KIRREL3: variants seen among roughly 807,000 people sequenced by gnomAD.
KIRREL3 encodes the protein kin of IRRE-like protein 3.
Under a neutral mutation model 89.7 loss-of-function variants are expected in KIRREL3, and 36 were observed. The ratio of observed to expected loss-of-function variants is 0.40; its 90% confidence interval spans 0.31 to 0.53. The LOEUF (loss-of-function observed/expected upper bound fraction) is 0.53, where lower values mean the gene tolerates loss of function less well. KIRREL3 is among the 20% of genes least tolerant of loss of function. The pLI is 0.49. For missense variants in KIRREL3, 864 were observed against 1,056.6 expected (o/e 0.82, Z 2.53); for synonymous variants, 445 against 441.4 (o/e 1.01, Z -0.10).
rs1440264259 is a variant in KIRREL3, at chr11:126,523,829, C to A, written c.284-2365G>T. Among the ~76,000 whole-genome samples the A allele has an allele frequency of 6.6e-6, 1 of 152,152 alleles. No homozygotes were observed. Among genetic ancestry groups the A allele is most frequent in the Non-Finnish European group, 1.5e-5 (1 of 68,024 alleles). ...TCTCCTGCAGGCATCTTGGCTGGAG[C>A]TTCTGTTTCTGTTGTCTTGCAAGCT... On this transcript the variant is annotated intron_variant, in intron 3 of 16. Transcript: ENST00000525144. This position sits in a 1 kb window ranked among gnomAD's most constrained non-coding sequence, Gnocchi z 4.9.
chr11:126,612,627 GC>G lies in KIRREL3; in HGVS notation c.56-49716del, dbSNP rs1308999163. On this transcript the variant is annotated intron_variant, in intron 1 of 16. Coordinates refer to ENST00000525144, the MANE Select transcript of KIRREL3 (RefSeq NM_032531.4). The surrounding 1 kb of genome is among the most constrained non-coding windows in gnomAD (Gnocchi z 4.5). The stretch of plus-strand genomic sequence containing the variant: ...GACCTCATTTTGGAACAATTTCATC[GC>G]CCCCAAAATAAACCCCACACCCATC... Among the ~76,000 whole-genome samples, 1 of 151,676 alleles carries G rather than the reference GC, an allele frequency of 6.6e-6. No individual in the cohort carries two copies. Among genetic ancestry groups the G allele is most frequent in the Non-Finnish European group, 1.5e-5 (1 of 67,948 alleles).
Position 126,609,544 on chromosome 11 carries a change from G to A in KIRREL3, c.56-46632C>T, listed in dbSNP as rs1181066121. On this transcript the variant is annotated intron_variant, in intron 1 of 16. Coordinates refer to ENST00000525144, the MANE Select transcript of KIRREL3 (RefSeq NM_032531.4). This position sits in a 1 kb window ranked among gnomAD's most constrained non-coding sequence, Gnocchi z 5.0. ...GGACCTGCTGGGAGAGAGGGGCAGGGGAATGTGCCTGAGATCAGACAGCCT... is the reference window on the plus strand; with the variant it reads ...GGACCTGCTGGGAGAGAGGGGCAGGAGAATGTGCCTGAGATCAGACAGCCT... Among the ~76,000 whole-genome samples the A allele has an allele frequency of 6.6e-6, 1 of 152,094 alleles. No homozygotes were observed. Among genetic ancestry groups the A allele is most frequent in the Non-Finnish European group, 1.5e-5 (1 of 68,012 alleles).
At chr11:126,973,100 GAAAAA>G (rs11449960) in intron 1 of KIRREL3, among the ~76,000 whole-genome samples, 7 of 119,630 alleles carry the variant, frequency 5.9e-5, no homozygotes, top group East Asian at 2.5e-4. Flanking sequence ...AAGTTTTGAG[GAAAAA>G]AAAAAAAAAA....
chr11:126,935,371 C>T (rs1434120682), intron 1 of KIRREL3: 1 of 151,752 alleles, frequency 6.6e-6, no homozygotes, highest in Non-Finnish European at 1.5e-5. Flanking sequence ...AGTTATTCTC[C>T]TTGGTATTTA....
At chr11:126,572,366 A>T (rs1452259521) in intron 1 of KIRREL3, among the ~76,000 whole-genome samples, 1 of 152,206 alleles carries the variant, frequency 6.6e-6, no homozygotes, top group Non-Finnish European at 1.5e-5. Flanking sequence ...GAATGTGTGG[A>T]TTATTAGCTT....
Position 126,611,943 on chromosome 11 carries a change from C to T in KIRREL3, c.56-49031G>A, listed in dbSNP as rs1020693139. On this transcript the variant is annotated intron_variant, in intron 1 of 16. Transcript: ENST00000525144. The surrounding 1 kb of genome is among the most constrained non-coding windows in gnomAD (Gnocchi z 4.7). ...CTTTGTCCACGTGGATCTTCAGTTC[C>T]TTCAACATGTGTGCTTGTTGCCCCT... Among the ~76,000 whole-genome samples, 1 of 152,180 alleles carries T rather than the reference C, an allele frequency of 6.6e-6. No individual in the cohort carries two copies. Among genetic ancestry groups the T allele is most frequent in the Non-Finnish European group, 1.5e-5 (1 of 68,034 alleles).
At chr11:126,467,635 T>C (rs11220509) in intron 5 of KIRREL3, among the ~76,000 whole-genome samples, 1 of 145,128 alleles carries the variant, frequency 6.9e-6, no homozygotes, top group African/African-American at 2.9e-5. Context: ...GTCCCTTTTT[T>C]TTTTTTTTTA....
intron 2 of KIRREL3, among the ~76,000 whole-genome samples, chr11:126,540,829 G>T (rs1310241665): frequency 6.6e-6 from 1 of 152,212 alleles, no homozygotes; most frequent in Non-Finnish European, 1.5e-5. Context: ...CAGAGACCCT[G>T]GCTGTGGTCT....
chr11:126,483,074 T>C (rs1490812505), intron 4 of KIRREL3, among the ~76,000 whole-genome samples: 7 of 152,158 alleles, frequency 4.6e-5, no homozygotes, highest in Admixed American at 4.6e-4. Context: ...CTTTGACCCA[T>C]CTCCCCTGAA....
intron 1 of KIRREL3, among the ~76,000 whole-genome samples, chr11:126,975,847 C>A (rs777243601): frequency 2.0e-5 from 3 of 151,876 alleles, no homozygotes; most frequent in Non-Finnish European, 4.4e-5. Flanking sequence ...AAGTTCCTCC[C>A]ACCTTCCTCA....
Position 126,828,514 on chromosome 11 carries a change from T to G in KIRREL3, c.55+171941A>C, listed in dbSNP as rs185405970. Among the ~76,000 whole-genome samples the G allele has an allele frequency of 1.9e-3, 284 of 152,314 alleles. 2 individuals are homozygous for G. Among genetic ancestry groups the G allele is most frequent in the African/African-American group, 6.4e-3 (267 of 41,572 alleles). ...TCTAAAAATGAGTGTGGTTGTCTAA[T>G]GTGATTGGTAAACAGCAGGACCAGG... is the stretch of plus-strand genomic sequence containing the variant. On this transcript the variant is annotated intron_variant, in intron 1 of 16. Transcript: ENST00000525144.
Position 126,734,918 on chromosome 11 carries a change from T to C in KIRREL3, c.56-172006A>G, listed in dbSNP as rs966050599. Among the ~76,000 whole-genome samples, 1 of 152,142 alleles carries C rather than the reference T, an allele frequency of 6.6e-6. No homozygotes were observed. The highest frequency in any genetic ancestry group is 6.5e-5 in the Admixed American group (1 of 15,284). ...AGGATGGGGTTTGTGGTTGGAACGG[T>C]GCTGTCTTCTGGTCCAGCTGTGCCT... On this transcript the variant is annotated intron_variant, in intron 1 of 16. Transcript: ENST00000525144. This position sits in a 1 kb window ranked among gnomAD's most constrained non-coding sequence, Gnocchi z 5.9.
intron 1 of KIRREL3, among the ~76,000 whole-genome samples, chr11:126,923,376 CCTT>C (rs1395150653): frequency 7.6e-3 from 30 of 3,942 alleles, no homozygotes; most frequent in African/African-American, 0.029. Context: ...TCTCCTTCTT[CCTT>C]CTTCTTCTTC....
intron 1 of KIRREL3, among the ~76,000 whole-genome samples, chr11:126,722,133 C>CCTGCTGT (rs1948199044): frequency 1.3e-5 from 2 of 152,240 alleles, no homozygotes; most frequent in Non-Finnish European, 2.9e-5. Flanking sequence ...TCCTCAAGCA[C>CCTGCTGT]CTGCTGTCAC....
At chr11:126,461,395 C>T (rs948056) in intron 6 of KIRREL3, among the ~76,000 whole-genome samples, 95,268 of 152,052 alleles carry the variant, frequency 0.63, 30,267 homozygotes, top group East Asian at 0.82. Context: ...CCTGCTTGCA[C>T]TGTGTGCCCC....
Position 126,557,676 on chromosome 11 carries a change from G to T in KIRREL3, c.133+5159C>A, listed in dbSNP as rs1172297087. Among the ~76,000 whole-genome samples the T allele has an allele frequency of 1.3e-5, 2 of 152,144 alleles. No individual in the cohort carries two copies. The highest frequency in any genetic ancestry group is 2.9e-5 in the Non-Finnish European group (2 of 68,030). ...GTGTACGAGGGTGCATAAAGAACAGGCTCTCACGCCATCATAAAGAACTTT... is the reference window on the plus strand; with the variant it reads ...GTGTACGAGGGTGCATAAAGAACAGTCTCTCACGCCATCATAAAGAACTTT... On this transcript the variant is annotated intron_variant, in intron 2 of 16. Coordinates refer to ENST00000525144, the MANE Select transcript of KIRREL3 (RefSeq NM_032531.4). The surrounding 1 kb of genome is among the most constrained non-coding windows in gnomAD (Gnocchi z 5.6).
chr11:126,936,950 T>C (rs956598388), intron 1 of KIRREL3: 4 of 152,220 alleles, frequency 2.6e-5, no homozygotes, highest in Non-Finnish European at 5.9e-5. Flanking sequence ...CAGATGCTTA[T>C]TAAGGATGTC....
chr11:126,439,891 G>A lies in KIRREL3; in HGVS notation c.1353+558C>T, dbSNP rs61898675. Among the ~76,000 whole-genome samples the A allele has an allele frequency of 5.5e-3, 834 of 152,012 alleles. 6 individuals carry two copies. Among genetic ancestry groups the A allele is most frequent in the Non-Finnish European group, 9.2e-3 (627 of 67,996 alleles). ...ACCAAGCAGATAGCTGGTAGGAGGC[G>A]CTGAGGGTGGACTCCTCAGTTGCCT... On this transcript the variant is annotated intron_variant, in intron 11 of 16. Transcript: ENST00000525144.
chr11:126,726,772 C>T (rs1412158310), intron 1 of KIRREL3, among the ~76,000 whole-genome samples: 1 of 152,210 alleles, frequency 6.6e-6, no homozygotes. Flanking sequence ...TCTGTATTGG[C>T]CTACACATGC....
Sources: gnomAD v4.1 joint callset for allele counts (sites outside exome capture counted in the v4.1 genomes callset) on GRCh38, gnomAD v4.1.1 for gene constraint, Gnocchi (gnomAD v3.1) non-coding constraint, MANE v1.5 for transcripts, NCBI Gene and HGNC (gene_info 2026-07-23, HGNC 2026-07-21) for gene names.